The following PTPRD variants were observed in gnomAD, a reference collection of about 807,000 sequenced individuals.
PTPRD encodes receptor-type tyrosine-protein phosphatase delta.
In PTPRD, 34 loss-of-function variants were observed where a neutral mutation model predicts 214.5. That is an observed-to-expected ratio of 0.16 (90% CI 0.12 to 0.21). The LOEUF is 0.21. PTPRD is among the 10% of genes least tolerant of loss of function. The pLI, the probability that PTPRD is intolerant of heterozygous loss-of-function variation, is 1.00. For synonymous variants in PTPRD, 1,128 were observed against 845.7 expected, an observed-to-expected ratio of 1.33 and a Z score of -5.79; for missense variants, 2,545 against 2,398.7, an observed-to-expected ratio of 1.06 and a Z score of -1.27.
At chr9:9,445,315 T>A (rs1260241997) in intron 8 of PTPRD, among the ~76,000 whole-genome samples, 1 of 152,198 alleles carries the variant, frequency 6.6e-6, no homozygotes, top group African/African-American at 2.4e-5. Context: ...TAGTCAGTTA[T>A]GCATGCCATT....
At chr9:10,329,233 C>T (rs1442224870) in intron 3 of PTPRD, among the ~76,000 whole-genome samples, 2 of 150,534 alleles carry the variant, frequency 1.3e-5, no homozygotes, top group Non-Finnish European at 3.0e-5. Context: ...GACAATAAAT[C>T]GCAAACACAC....
chr9:9,286,921 T>G (rs1215087785), intron 9 of PTPRD, among the ~76,000 whole-genome samples: 4 of 74,408 alleles, frequency 5.4e-5, no homozygotes, highest in African/African-American at 1.8e-4. Flanking sequence ...TATATATATA[T>G]ATATATATAT....
At chr9:8,666,002 C>G (rs2097162050) in intron 12 of PTPRD, among the ~76,000 whole-genome samples, 2 of 151,136 alleles carry the variant, frequency 1.3e-5, no homozygotes, top group Non-Finnish European at 2.9e-5. Flanking sequence ...AATTATTTCC[C>G]CGTAATTATT....
chr9:9,851,274 A>G (rs1277181759), intron 5 of PTPRD, among the ~76,000 whole-genome samples: 2 of 152,214 alleles, frequency 1.3e-5, no homozygotes. Context: ...GGGTTAATGC[A>G]GTATCGTATT....
intron 4 of PTPRD, among the ~76,000 whole-genome samples, chr9:9,943,741 C>G (rs746814028): frequency 1.3e-5 from 2 of 151,982 alleles, no homozygotes; most frequent in Non-Finnish European, 2.9e-5. Flanking sequence ...GAAGAGCCTT[C>G]TAGGAAGTAG....
chr9:8,815,967 C>T (rs2096911121), intron 11 of PTPRD, among the ~76,000 whole-genome samples: 2 of 152,146 alleles, frequency 1.3e-5, no homozygotes. Flanking sequence ...CATTTTTGTA[C>T]ACAATTGCTG....
intron 7 of PTPRD, among the ~76,000 whole-genome samples, chr9:9,690,857 T>C (rs1379706974): frequency 7.0e-6 from 1 of 143,374 alleles, no homozygotes; most frequent in African/African-American, 2.6e-5. Flanking sequence ...GCTGTTTTGG[T>C]TACTATGGCT....
intron 12 of PTPRD, among the ~76,000 whole-genome samples, chr9:8,644,707 G>T (rs949266242): frequency 2.0e-5 from 3 of 152,210 alleles, no homozygotes; most frequent in Non-Finnish European, 4.4e-5. Context: ...CTGCCTCACG[G>T]AGAACTGGCA....
At chr9:9,166,665 G>T (rs1424142257) in intron 10 of PTPRD, among the ~76,000 whole-genome samples, 1 of 152,058 alleles carries the variant, frequency 6.6e-6, no homozygotes, top group East Asian at 1.9e-4. Flanking sequence ...TCAGATATTA[G>T]TTCACTACAA....
At chr9:9,861,349 G>GT (rs1283386559) in intron 5 of PTPRD, among the ~76,000 whole-genome samples, 22 of 151,978 alleles carry the variant, frequency 1.4e-4, no homozygotes, top group African/African-American at 5.3e-4. Context: ...GGAGTGCATT[G>GT]GCGCCATCTC....
intron 9 of PTPRD, among the ~76,000 whole-genome samples, chr9:9,313,774 G>T (rs1171666660): frequency 6.6e-6 from 1 of 152,162 alleles, no homozygotes; most frequent in Non-Finnish European, 1.5e-5. Flanking sequence ...AATAACAATG[G>T]TTCTTCAGCT....
chr9:9,136,663 A>G (rs2099851401), intron 10 of PTPRD, among the ~76,000 whole-genome samples: 2 of 152,160 alleles, frequency 1.3e-5, no homozygotes, highest in African/African-American at 4.8e-5. Flanking sequence ...CAGTGTTTCC[A>G]TGTAGTAGTT....
chr9:9,674,897 T>G (rs1259826055), intron 7 of PTPRD, among the ~76,000 whole-genome samples: 3 of 151,824 alleles, frequency 2.0e-5, no homozygotes, highest in Non-Finnish European at 1.5e-5. Context: ...AATATGAACA[T>G]GACTCCCTCA....
At chr9:9,069,021 G>A (rs1034059323) in intron 10 of PTPRD, among the ~76,000 whole-genome samples, 1 of 151,980 alleles carries the variant, frequency 6.6e-6, no homozygotes, top group African/African-American at 2.4e-5. Context: ...TATATACAAA[G>A]GAAAATAAAA....
intron 14 of PTPRD, among the ~76,000 whole-genome samples, chr9:8,553,187 C>A (rs141243987): frequency 3.7e-4 from 57 of 152,244 alleles, no homozygotes; most frequent in African/African-American, 1.3e-3. Flanking sequence ...TAGATTACAA[C>A]TAAACTCGGA....
chr9:9,955,531 T>TTTG (rs1248575319), intron 4 of PTPRD, among the ~76,000 whole-genome samples: 1 of 134,200 alleles, frequency 7.5e-6, no homozygotes, highest in African/African-American at 2.8e-5. Context: ...GTTTTGTTTT[T>TTTG]TTTTTTTTTT....
At chr9:8,923,867 C>G (rs1405516766) in intron 11 of PTPRD, among the ~76,000 whole-genome samples, 1 of 152,130 alleles carries the variant, frequency 6.6e-6, no homozygotes, top group African/African-American at 2.4e-5. Context: ...TGATTTTAAG[C>G]TCTGCCTTTT....
At chr9:9,544,293 A>G (rs753066648) in intron 8 of PTPRD, among the ~76,000 whole-genome samples, 67 of 151,690 alleles carry the variant, frequency 4.4e-4, no homozygotes, top group Non-Finnish European at 6.5e-4. Flanking sequence ...CATTTTAATT[A>G]ATTGAATTAA....
intron 9 of PTPRD, among the ~76,000 whole-genome samples, chr9:9,393,385 A>C (rs1239218459): frequency 6.6e-6 from 1 of 152,164 alleles, no homozygotes; most frequent in Non-Finnish European, 1.5e-5. Context: ...TGCTATGCGA[A>C]AAACCATGCT....
Sources: allele counts gnomAD v4.1 joint callset (sites outside exome capture counted in the v4.1 genomes callset), GRCh38; gene constraint gnomAD v4.1.1; transcripts MANE v1.5; gene names NCBI Gene and HGNC (gene_info 2026-07-23, HGNC 2026-07-21).